The following COPS9 variants were observed in gnomAD, a reference collection of about 807,000 sequenced individuals.
COPS9 encodes the protein COP9 signalosome complex subunit 9.
Under a neutral mutation model 7.2 loss-of-function variants are expected in COPS9, and 8 were observed. The ratio of observed to expected loss-of-function variants is 1.11; its 90% CI spans 0.65 to 2.00. The LOEUF is 2.00. Ranked by LOEUF, COPS9 falls within the 30% of genes most tolerant of loss-of-function variation. The probability of loss-of-function intolerance (pLI) is 0.00; values close to 1 mark genes in which losing one functional copy is unlikely to be tolerated. For missense variants in COPS9, 74 were observed against 77.7 expected, an observed-to-expected ratio of 0.95 and a Z score of 0.18; for synonymous variants, 39 against 28.7, an observed-to-expected ratio of 1.36 and a Z score of -1.14.
chr2:240,132,784 G>GT lies in COPS9; in HGVS notation c.136+1148dup, dbSNP rs1263853396. ...TTCAAAGTCGCCCTGGTGAGCTGGTGTTTTTGCAAAGCAGCTTTGGAGAGC... is the reference window on the plus strand; with the variant it reads ...TTCAAAGTCGCCCTGGTGAGCTGGTGTTTTTTGCAAAGCAGCTTTGGAGAGC... On this transcript the variant is annotated intron_variant, in intron 2 of 2. Transcript: ENST00000607357. The surrounding 1 kb of genome is among the most constrained non-coding windows in gnomAD (Gnocchi z 4.1). Among the ~76,000 whole-genome samples the GT allele has an allele frequency of 6.6e-6, 1 of 152,216 alleles. No homozygotes were observed. Among genetic ancestry groups the GT allele is most frequent in the Non-Finnish European group, 1.5e-5 (1 of 68,034 alleles).
downstream of COPS9, among the ~76,000 whole-genome samples, chr2:240,129,419 C>T (rs951512673): frequency 6.6e-6 from 1 of 152,172 alleles, no homozygotes; most frequent in Non-Finnish European, 1.5e-5. Flanking sequence ...TCCCGCCTCA[C>T]CCTCCCCAAG....
intron 1 of COPS9, 39 bp downstream of exon 1, chr2:240,136,183 G>T: frequency 7.6e-7 from 1 of 1,312,340 alleles, no homozygotes; most frequent in East Asian, 4.5e-5. Context: ...CCCCTTCCCC[G>T]CTCCCCACGC....
In COPS9 at chr2:240,136,242, G is replaced by A; in HGVS notation, c.43C>T (p.Pro15Ser). 1 of 1,565,802 alleles carries A rather than the reference G, an allele frequency of 6.4e-7. No individual in the cohort carries two copies. Among genetic ancestry groups the A allele is most frequent in the African/African-American group, 1.4e-5 (1 of 70,772 alleles). The change falls in exon 1 of 3, where the codon CCC becomes TCC. Residue 15 changes from proline to serine, a missense_variant. Transcript: ENST00000607357. Reference protein sequence around the residue: ...VDEMFPEGAGPYVDLDEAGGS... With the variant: ...VDEMFPEGAGSYVDLDEAGGS... ...GCCACCTCGTCCAGGTCCACGTAGGGCCCGGCGCCCTCGGGGAACATCTCG... is the reference window on the plus strand; with the variant it reads ...GCCACCTCGTCCAGGTCCACGTAGGACCCGGCGCCCTCGGGGAACATCTCG...
At chr2:240,133,430 A>T (rs1307998306) in intron 2 of COPS9, among the ~76,000 whole-genome samples, 2 of 152,240 alleles carry the variant, frequency 1.3e-5, no homozygotes, top group African/African-American at 4.8e-5. Context: ...AATCAAGAGG[A>T]AAACACATCC....
At chr2:240,129,402 G>A (rs982142414), downstream of COPS9, among the ~76,000 whole-genome samples, 1 of 152,152 alleles carries the variant, frequency 6.6e-6, no homozygotes, top group Non-Finnish European at 1.5e-5. Context: ...TTGGCCTCAA[G>A]TGACCCTCCC....
chr2:240,129,920 C>A, downstream of COPS9: 1 of 1,613,894 alleles, frequency 6.2e-7, no homozygotes, highest in Non-Finnish European at 8.5e-7. Flanking sequence ...CCTCTTCCGA[C>A]ACCACAGGCC....
intron 1 of COPS9, among the ~76,000 whole-genome samples, chr2:240,135,508 C>A (rs200342885): frequency 6.6e-6 from 1 of 152,200 alleles, no homozygotes; most frequent in African/African-American, 2.4e-5. Flanking sequence ...CATGTAGGAG[C>A]TGGCCTGCCA....
intron 1 of COPS9, chr2:240,134,424 C>G (rs12620440): frequency 0.015 from 2,625 of 174,810 alleles, 49 homozygotes; most frequent in East Asian, 0.087. Context: ...CCCGAGGAAA[C>G]TGACCTGCTC....
At chr2:240,130,067 CAG>C (rs1009411445), downstream of COPS9, 3 of 1,550,540 alleles carry the variant, frequency 1.9e-6, no homozygotes, top group African/African-American at 4.1e-5. Flanking sequence ...ATCAGGATGA[CAG>C]GGTGGAAATC....
At chr2:240,126,574 C>T, downstream of COPS9, 1 of 1,612,608 alleles carries the variant, frequency 6.2e-7, no homozygotes, top group Non-Finnish European at 8.5e-7. Context: ...TACCTCACAT[C>T]TATGCATGGC....
chr2:240,130,542 C>T (rs1400762304), downstream of COPS9, among the ~76,000 whole-genome samples: 1 of 152,232 alleles, frequency 6.6e-6, no homozygotes, highest in Non-Finnish European at 1.5e-5. Context: ...AGCATAAGGA[C>T]GACTGTGCTG....
chr2:240,136,140 G>C, intron 1 of COPS9, 82 bp downstream of exon 1: 1 of 1,374,674 alleles, frequency 7.3e-7, no homozygotes, highest in South Asian at 1.7e-5. Context: ...CCCCTCCCCG[G>C]GACCCGCGCA....
rs1196556700 is a variant in COPS9 at position 240,136,285 on chromosome 2, C to T, written c.-1G>A. On this transcript the variant is annotated 5_prime_UTR_variant, in exon 1 of 3. Transcript: ENST00000607357. ...ACATCTCGTCCACCGCCGGCTTCAT[C>T]TCGGGGCCGCGGCGCTCTAGGCTCA... 1.3e-6 allele frequency: 2 copies of T among 1,565,496 alleles called. No individual in the cohort carries two copies. The highest frequency in any genetic ancestry group is 1.7e-6 in the Non-Finnish European group (2 of 1,159,842).
downstream of COPS9, among the ~76,000 whole-genome samples, chr2:240,128,703 C>G (rs75240830): frequency 2.0e-5 from 3 of 152,126 alleles, no homozygotes; most frequent in African/African-American, 7.2e-5. Context: ...AGTTTTGCCA[C>G]GGGAGTGACC....
downstream of COPS9, chr2:240,126,935 A>G (rs1468099708): frequency 6.2e-7 from 1 of 1,612,120 alleles, no homozygotes; most frequent in Non-Finnish European, 8.5e-7. Flanking sequence ...CGTTCAGTTC[A>G]CATCTCTGGG....
intron 1 of COPS9, chr2:240,134,312 A>T (rs1449971553): frequency 3.5e-6 from 1 of 283,504 alleles, no homozygotes; most frequent in Non-Finnish European, 6.6e-6. Flanking sequence ...GAGCTTTCCG[A>T]TCCCTCGCCG....
rs371841147 is a variant in COPS9 at position 240,134,335 on chromosome 2, G to A, written c.64-330C>T. The A allele has an allele frequency of 5.9e-4, 149 of 252,186 alleles. No individual in the cohort carries two copies. In the South Asian group the frequency reaches 0.011, roughly 18 times the overall value. The allele number at this position is 252,186 out of a possible 1,614,324, so 15.6% of individuals were successfully genotyped here. A position where few individuals can be genotyped will look rare whatever the true frequency, so the allele number is the denominator to read the frequency against. ...CGATCCCTCGCCGGACATCGCCAGA[G>A]GCCACAAACATGCGAAATTGAGCCC... On this transcript the variant is annotated intron_variant, in intron 1 of 2. Coordinates refer to ENST00000607357, the MANE Select transcript of COPS9 (RefSeq NM_001163424.2).
downstream of COPS9, among the ~76,000 whole-genome samples, chr2:240,128,088 G>A (rs1024662291): frequency 5.3e-5 from 8 of 152,230 alleles, no homozygotes; most frequent in African/African-American, 9.6e-5. Flanking sequence ...GAGAGTCCGG[G>A]TGCTGATCCA....
chr2:240,136,128 C>T, intron 1 of COPS9, 94 bp downstream of exon 1: 2 of 1,350,396 alleles, frequency 1.5e-6, no homozygotes, highest in Middle Eastern at 2.7e-4. Flanking sequence ...CCCGCCCGGC[C>T]TCCCCTCCCC....
Sources: allele counts gnomAD v4.1 joint callset (sites outside exome capture counted in the v4.1 genomes callset), GRCh38; gene constraint gnomAD v4.1.1; non-coding constraint Gnocchi (gnomAD v3.1); transcripts MANE v1.5; gene names NCBI Gene and HGNC (gene_info 2026-07-23, HGNC 2026-07-21).